Variants in ALK observed in about 807,000 individuals in gnomAD.
ALK encodes ALK tyrosine kinase receptor.
A neutral mutation model predicts 163.1 loss-of-function variants in ALK; 74 were observed. The observed-to-expected ratio is 0.45, with a 90% CI of 0.38 to 0.55. The LOEUF is 0.55. Ranked by LOEUF, ALK falls within the 20% of genes least tolerant of loss-of-function variation. The pLI, the probability that ALK is intolerant of heterozygous loss-of-function variation, is 0.00. For missense variants in ALK, 2,063 were observed against 2,105.3 expected (o/e 0.98, Z 0.39); for synonymous variants, 960 against 843.2 (o/e 1.14, Z -2.40).
intron 1 of ALK, among the ~76,000 whole-genome samples, chr2:29,728,793 C>T (rs1679649452): frequency 1.3e-5 from 2 of 152,094 alleles, no homozygotes; most frequent in African/African-American, 4.8e-5. Flanking sequence ...TATAGAGGAA[C>T]CTTGATGGAT....
At chr2:29,209,681 G>C (rs1173962969) in intron 25 of ALK, 105 bp downstream of exon 25, 1 of 791,434 alleles carries the variant, frequency 1.3e-6, no homozygotes, top group East Asian at 2.6e-5. Context: ...GTAGAAAGTT[G>C]ACAGGGTACC....
chr2:29,854,289 G>A (rs1666083994), intron 1 of ALK, among the ~76,000 whole-genome samples: 1 of 152,170 alleles, frequency 6.6e-6, no homozygotes, highest in African/African-American at 2.4e-5. Flanking sequence ...ATGTTGAAAT[G>A]TGATCCCCAA....
chr2:29,393,874 T>C (rs1669240255), intron 4 of ALK, among the ~76,000 whole-genome samples: 1 of 152,214 alleles, frequency 6.6e-6, no homozygotes, highest in African/African-American at 2.4e-5. Flanking sequence ...TCACCACAAA[T>C]AATTACTGTT....
chr2:29,723,006 C>T (rs1679464405), intron 1 of ALK, among the ~76,000 whole-genome samples: 1 of 152,168 alleles, frequency 6.6e-6, no homozygotes, highest in African/African-American at 2.4e-5. Context: ...CATCTTTTCC[C>T]ATCTCGCATC....
At chr2:29,615,090 C>T (rs1675803481) in intron 3 of ALK, among the ~76,000 whole-genome samples, 2 of 152,166 alleles carry the variant, frequency 1.3e-5, no homozygotes, top group South Asian at 4.2e-4. Context: ...AAGTACTGGG[C>T]CTGCAGGCTT....
intron 8 of ALK, among the ~76,000 whole-genome samples, chr2:29,298,417 C>T (rs1327986747): frequency 6.6e-6 from 1 of 152,214 alleles, no homozygotes; most frequent in East Asian, 1.9e-4. Flanking sequence ...ACCCTTTCAG[C>T]TCTCAGCCCA....
chr2:29,861,171 C>T (rs1666282489), intron 1 of ALK, among the ~76,000 whole-genome samples: 1 of 151,900 alleles, frequency 6.6e-6, no homozygotes. Flanking sequence ...GACCTTGCCT[C>T]AAAAAGAAGG....
intron 2 of ALK, among the ~76,000 whole-genome samples, chr2:29,702,392 G>T (rs1292302453): frequency 6.6e-6 from 1 of 152,212 alleles, no homozygotes; most frequent in Admixed American, 6.5e-5. Flanking sequence ...CAGGACAGGA[G>T]CCAGAGTGTC....
intron 4 of ALK, among the ~76,000 whole-genome samples, chr2:29,509,487 T>G (rs988228351): frequency 1.3e-5 from 2 of 152,170 alleles, no homozygotes; most frequent in Non-Finnish European, 2.9e-5. Context: ...ATATTAAGTC[T>G]GAAATCTGGA....
At chr2:29,462,904 C>A (rs894737357) in intron 4 of ALK, among the ~76,000 whole-genome samples, 2 of 152,034 alleles carry the variant, frequency 1.3e-5, no homozygotes, top group South Asian at 2.1e-4. Flanking sequence ...ACTTAGGATC[C>A]AATTAATTAT....
chr2:29,862,760 G>C (rs1248457907), intron 1 of ALK, among the ~76,000 whole-genome samples: 2 of 151,414 alleles, frequency 1.3e-5, no homozygotes, highest in Non-Finnish European at 2.9e-5. Flanking sequence ...CACAGACATA[G>C]AGAAAGCAAT....
chr2:29,227,562 C>A lies in ALK; in HGVS notation c.2914+12G>T. 6.2e-7 allele frequency: 1 copy of A among 1,609,472 alleles called. No individual in the cohort carries two copies. Among genetic ancestry groups the A allele is most frequent in the Non-Finnish European group, 8.5e-7 (1 of 1,175,770 alleles). On this transcript the variant is annotated intron_variant, in intron 17 of 28. Transcript: ENST00000389048. The surrounding 1 kb of genome is among the most constrained non-coding windows in gnomAD (Gnocchi z 4.4). The stretch of plus-strand genomic sequence containing the variant: ...TAAGCAAGTTTGTTCTGCTGCCTGG[C>A]AGAGAAGCTACCTTTTAAAGCTGGG...
intron 1 of ALK, among the ~76,000 whole-genome samples, chr2:29,915,378 C>T (rs911385090): frequency 1.7e-4 from 26 of 152,160 alleles, no homozygotes; most frequent in African/African-American, 6.3e-4. Context: ...TGCCACAATG[C>T]CTGGCTAATT....
rs542865822 is a variant in ALK, at chr2:29,857,403, G to GA, written c.667+62589dup. ...TTTCAGTGGCCAAAAATGTTGGAAA[G>GA]AAAAAAAAGGGAAAATACAAACCAA... On this transcript the variant is annotated intron_variant, in intron 1 of 28. Transcript: ENST00000389048. 2.9e-3 allele frequency among the ~76,000 whole-genome samples: 433 copies of GA among 151,686 alleles called. 1 individual carries two copies. Among genetic ancestry groups the GA allele is most frequent in the Non-Finnish European group, 4.3e-3 (290 of 67,812 alleles).
At chr2:29,498,783 GCTTTCA>G (rs1311289466) in intron 4 of ALK, among the ~76,000 whole-genome samples, 1 of 152,208 alleles carries the variant, frequency 6.6e-6, no homozygotes, top group Non-Finnish European at 1.5e-5. Flanking sequence ...TCAACCAAGG[GCTTTCA>G]CTTTTTCCTA....
chr2:29,643,523 G>A (rs769838761), intron 3 of ALK, among the ~76,000 whole-genome samples: 5 of 152,192 alleles, frequency 3.3e-5, no homozygotes, highest in Non-Finnish European at 5.9e-5. Flanking sequence ...GAAAATGCTG[G>A]CTAAGAGAAT....
At chr2:29,441,445 G>A (rs1670542613) in intron 4 of ALK, among the ~76,000 whole-genome samples, 1 of 152,224 alleles carries the variant, frequency 6.6e-6, no homozygotes, top group Admixed American at 6.5e-5. Flanking sequence ...CAGGGGCCAT[G>A]AAGGCCTGAC....
chr2:29,275,461 C>T lies in ALK; in HGVS notation c.1853G>A (p.Gly618Glu), dbSNP rs766821017. ...GTCAAAAGCCACGATGGCTCTGGAT[C>T]CTTGTCCCCACCATGCGACCATCTG... ...WLQMVAWWGQ[G>E]SRAIVAFDNI... Residue 618 changes from glycine (G) to glutamate (E), a missense_variant, in exon 10 of 29, where the codon GGA (glycine) becomes GAA (glutamate). By Grantham distance (98) the Gly-to-Glu change is moderately conservative. Coordinates refer to ENST00000389048, the MANE Select transcript of ALK (RefSeq NM_004304.5). 1.2e-6 allele frequency: 2 copies of T among 1,614,104 alleles called. No homozygotes were observed. The highest frequency in any genetic ancestry group is 1.3e-5 in the African/African-American group (1 of 75,014).
In ALK at chr2:29,193,886, A is replaced by G. The variant is rs549395816; in HGVS notation, c.4201T>C (p.Tyr1401His). The change falls in exon 29 of 29, where the codon TAT (tyrosine) becomes CAT (histidine). Residue 1401 changes from tyrosine to histidine, a missense_variant. Physicochemically the swap from Tyr to His is moderately conservative, Grantham distance 83 (BLOSUM62 2). This residue lies in a region of ALK where 403 missense variants were observed against 366.2 expected (regional missense o/e 1.10). Transcript: ENST00000389048. ...TCTTCCTCTTCCACAAGTGGACCAT[A>G]TTCTATCGGCAAAGCGGTGTTGATT... ...DVINTALPIE[Y>H]GPLVEEEEKV... The G allele has an allele frequency of 6.2e-7, 1 of 1,614,128 alleles. No individual in the cohort carries two copies. Among genetic ancestry groups the G allele is most frequent in the African/African-American group, 1.3e-5 (1 of 75,032 alleles).
Sources: allele counts gnomAD v4.1 joint callset (sites outside exome capture counted in the v4.1 genomes callset), GRCh38; gene constraint gnomAD v4.1.1; regional missense constraint gnomAD v4.1.1; non-coding constraint Gnocchi (gnomAD v3.1); transcripts MANE v1.5; gene names NCBI Gene and HGNC (gene_info 2026-07-23, HGNC 2026-07-21).